The following RANBP17 variants were observed in gnomAD, a reference collection of about 807,000 sequenced individuals.
RANBP17 encodes the protein RAN binding protein 17, also known as ran-binding protein 17.
In RANBP17, 158 loss-of-function variants were observed where a neutral mutation model predicts 141.2. That is an observed-to-expected ratio of 1.12 (90% CI 0.98 to 1.28). RANBP17 has a LOEUF of 1.28. Ranked by LOEUF, RANBP17 falls within the 50% of genes most tolerant of loss-of-function variation. The pLI is 0.00. For missense variants in RANBP17, 1,438 were observed against 1,290.7 expected (o/e 1.11, Z -1.75); for synonymous variants, 430 against 450.0 (o/e 0.96, Z 0.56).
Position 171,189,214 on chromosome 5 carries a change from A to G in RANBP17, c.2038+5784A>G, listed in dbSNP as rs541173676. On this transcript the variant is annotated intron_variant, in intron 18 of 27. Coordinates refer to ENST00000523189, the MANE Select transcript of RANBP17 (RefSeq NM_022897.5). Reference sequence around the variant, plus strand: ...CTGGATATAAATAAAATTTAAAATCATAGTAGCTACCCTCATAGAACTTCC... The same window carrying G: ...CTGGATATAAATAAAATTTAAAATCGTAGTAGCTACCCTCATAGAACTTCC... Among the ~76,000 whole-genome samples, 4 of 152,364 alleles carry G rather than the reference A, an allele frequency of 2.6e-5. No homozygotes were observed. In the South Asian group the frequency reaches 6.2e-4, roughly 24 times the overall value.
At chr5:171,142,369 C>G (rs1474987799) in intron 14 of RANBP17, among the ~76,000 whole-genome samples, 6 of 152,088 alleles carry the variant, frequency 3.9e-5, no homozygotes, top group African/African-American at 1.4e-4. Flanking sequence ...AGCTCTAGAT[C>G]CCTAACTGGA....
chr5:171,115,860 A>G (rs950326398), intron 14 of RANBP17, among the ~76,000 whole-genome samples: 3 of 152,210 alleles, frequency 2.0e-5, no homozygotes, highest in African/African-American at 7.2e-5. Flanking sequence ...TGAAGTATGA[A>G]CTTGGTATTA....
chr5:171,278,497 T>C (rs989378021), intron 25 of RANBP17, among the ~76,000 whole-genome samples: 2 of 151,630 alleles, frequency 1.3e-5, no homozygotes, highest in African/African-American at 4.8e-5. Flanking sequence ...AGACTCCATC[T>C]CAAAAAAAAA....
intron 14 of RANBP17, among the ~76,000 whole-genome samples, chr5:171,148,470 C>G (rs1481277943): frequency 6.6e-6 from 1 of 151,556 alleles, no homozygotes; most frequent in Non-Finnish European, 1.5e-5. Context: ...TATGGAAAAC[C>G]CCATTTAAAG....
chr5:170,882,018 C>G (rs920093716), intron 3 of RANBP17, 122 bp downstream of exon 3: 4 of 596,168 alleles, frequency 6.7e-6, no homozygotes, highest in Non-Finnish European at 1.2e-5. Context: ...ACATGAGTAT[C>G]AAGTCTCATT....
Position 170,963,392 on chromosome 5 carries a change from C to G in RANBP17, c.1575-4850C>G, listed in dbSNP as rs182541380. 4.7e-3 allele frequency among the ~76,000 whole-genome samples: 719 copies of G among 152,264 alleles called. 4 individuals are homozygous for G. The highest frequency in any genetic ancestry group is 0.017 in the African/African-American group (697 of 41,550). ...ACAAAAATACCTGATTCAGGTAAGACCTTGCTATTATGCAAAATCCATGAA... is the reference window on the plus strand; with the variant it reads ...ACAAAAATACCTGATTCAGGTAAGAGCTTGCTATTATGCAAAATCCATGAA... On this transcript the variant is annotated intron_variant, in intron 13 of 27. Transcript: ENST00000523189.
At chr5:171,026,736 T>C (rs951195458) in intron 14 of RANBP17, among the ~76,000 whole-genome samples, 1 of 148,402 alleles carries the variant, frequency 6.7e-6, no homozygotes, top group Non-Finnish European at 1.5e-5. Context: ...ATTTTTTTCT[T>C]AATTGCCATT....
At chr5:171,184,520 TAGAA>T (rs1253349944) in intron 18 of RANBP17, among the ~76,000 whole-genome samples, 6 of 101,624 alleles carry the variant, frequency 5.9e-5, no homozygotes, top group Non-Finnish European at 9.5e-5. Flanking sequence ...AAGTTTCAGG[TAGAA>T]AGAATAAGAG....
chr5:170,940,010 G>T (rs2127473439), intron 12 of RANBP17, among the ~76,000 whole-genome samples: 1 of 151,994 alleles, frequency 6.6e-6, no homozygotes, highest in East Asian at 1.9e-4. Flanking sequence ...GAGACAATAG[G>T]ACAATAGACA....
chr5:171,049,697 T>C (rs1052806449), intron 14 of RANBP17, among the ~76,000 whole-genome samples: 5 of 152,234 alleles, frequency 3.3e-5, no homozygotes, highest in South Asian at 2.1e-4. Flanking sequence ...GACTAGCTAG[T>C]GATCCCAACA....
chr5:171,040,389 A>T (rs991374175), intron 14 of RANBP17, among the ~76,000 whole-genome samples: 2 of 152,282 alleles, frequency 1.3e-5, no homozygotes, highest in South Asian at 4.1e-4. Context: ...TAGTTGCAAA[A>T]TGTCTTTGTT....
chr5:171,060,997 C>T (rs1047857432), intron 14 of RANBP17, among the ~76,000 whole-genome samples: 15 of 150,422 alleles, frequency 1.0e-4, no homozygotes, highest in South Asian at 2.1e-4. Context: ...TCTGTGGGAT[C>T]GGTGGTGATA....
At chr5:171,219,072 G>A (rs568771052) in intron 21 of RANBP17, among the ~76,000 whole-genome samples, 2 of 152,312 alleles carry the variant, frequency 1.3e-5, no homozygotes, top group South Asian at 4.2e-4. Flanking sequence ...AGGAGCTCTT[G>A]TAAGGCAGAC....
At chr5:170,949,905 A>G (rs759242820) in intron 12 of RANBP17, among the ~76,000 whole-genome samples, 1 of 152,192 alleles carries the variant, frequency 6.6e-6, no homozygotes, top group African/African-American at 2.4e-5. Context: ...AAACAGACAC[A>G]TAGACCAATG....
intron 1 of RANBP17, among the ~76,000 whole-genome samples, chr5:170,872,791 A>G (rs1039229158): frequency 2.0e-5 from 3 of 152,120 alleles, no homozygotes; most frequent in Non-Finnish European, 4.4e-5. Context: ...TGAGATAATC[A>G]TGTGATTTTT....
At chr5:170,948,879 C>G (rs112123894) in intron 12 of RANBP17, among the ~76,000 whole-genome samples, 4,073 of 152,036 alleles carry the variant, frequency 0.027, 169 homozygotes, top group African/African-American at 0.093. Context: ...GACCTGGGTG[C>G]GGTGGCTCAT....
Position 171,075,463 on chromosome 5 carries a change from T to C in RANBP17, c.1711-94667T>C, listed in dbSNP as rs995057142. 2.0e-5 allele frequency among the ~76,000 whole-genome samples: 3 copies of C among 152,180 alleles called. 1 individual carries two copies. In the South Asian group the frequency reaches 6.2e-4, roughly 31 times the overall value. On this transcript the variant is annotated intron_variant, in intron 14 of 27. Coordinates refer to ENST00000523189, the MANE Select transcript of RANBP17 (RefSeq NM_022897.5). Reference sequence around the variant, plus strand: ...CACAATAACCCATGTGTTATATAGATTTCATTTATATGAAATGTCCAGAGT... The same window carrying C: ...CACAATAACCCATGTGTTATATAGACTTCATTTATATGAAATGTCCAGAGT...
At chr5:171,029,911 G>C (rs1562003863) in intron 14 of RANBP17, among the ~76,000 whole-genome samples, 1 of 151,950 alleles carries the variant, frequency 6.6e-6, no homozygotes, top group South Asian at 2.1e-4. Flanking sequence ...GTTTCATCAT[G>C]ATAATGACAT....
At chr5:171,099,135 T>C (rs191793266) in intron 14 of RANBP17, among the ~76,000 whole-genome samples, 222 of 152,296 alleles carry the variant, frequency 1.5e-3, no homozygotes, top group African/African-American at 4.6e-3. Context: ...AGTAGTTGTT[T>C]CCTAATTCTG....
Sources: allele counts gnomAD v4.1 joint callset (sites outside exome capture counted in the v4.1 genomes callset), GRCh38; gene constraint gnomAD v4.1.1; transcripts MANE v1.5; gene names NCBI Gene and HGNC (gene_info 2026-07-23, HGNC 2026-07-21).